The following SORBS2 variants were observed in gnomAD, a reference collection of about 807,000 sequenced individuals.
The protein encoded by SORBS2 is sorbin and SH3 domain-containing protein 2.
Under a neutral mutation model 97.7 loss-of-function variants are expected in SORBS2, and 46 were observed. The ratio of observed to expected loss-of-function variants is 0.47; its 90% CI spans 0.37 to 0.60. SORBS2 has a LOEUF of 0.60. Ranked by LOEUF, SORBS2 falls within the 20% of genes least tolerant of loss-of-function variation. The probability of loss-of-function intolerance (pLI) is 0.00; values close to 1 mark genes in which losing one functional copy is unlikely to be tolerated. For synonymous variants in SORBS2, 476 were observed against 473.4 expected, an observed-to-expected ratio of 1.01 and a Z score of -0.07; for missense variants, 1,316 against 1,282.3, an observed-to-expected ratio of 1.03 and a Z score of -0.40.
chr4:185,758,689 T>G (rs2098845636), intron 2 of SORBS2, among the ~76,000 whole-genome samples: 2 of 152,196 alleles, frequency 1.3e-5, no homozygotes, highest in Non-Finnish European at 1.5e-5. Context: ...CTCCCTTCAG[T>G]GCAAAAGCCT....
At chr4:185,734,314 C>G (rs376484987) in intron 2 of SORBS2, among the ~76,000 whole-genome samples, 160 bp from the exon 3 acceptor site, 1 of 152,108 alleles carries the variant, frequency 6.6e-6, no homozygotes, top group South Asian at 2.1e-4. Context: ...ACAAACACCG[C>G]GGAAAGGAAA....
At chr4:185,679,683 T>C (rs940674957) in intron 2 of SORBS2, among the ~76,000 whole-genome samples, 12 of 152,122 alleles carry the variant, frequency 7.9e-5, no homozygotes, top group African/African-American at 2.9e-4. Context: ...ATCCTAGGGG[T>C]TGGATCATTA....
At chr4:185,951,094 T>C (rs1364018225) in intron 1 of SORBS2, among the ~76,000 whole-genome samples, 2 of 152,184 alleles carry the variant, frequency 1.3e-5, no homozygotes, top group African/African-American at 2.4e-5. Flanking sequence ...ACAAATGTTC[T>C]TGGTACCCTT....
chr4:185,761,159 C>T (rs1020337139), intron 2 of SORBS2, among the ~76,000 whole-genome samples: 1 of 152,208 alleles, frequency 6.6e-6, no homozygotes, highest in Non-Finnish European at 1.5e-5. Context: ...AACACCTGAA[C>T]ATATGTTAAA....
intron 1 of SORBS2, among the ~76,000 whole-genome samples, chr4:185,779,111 T>C (rs1329548399): frequency 6.6e-6 from 1 of 152,262 alleles, no homozygotes; most frequent in African/African-American, 2.4e-5. Context: ...CAATTCTATA[T>C]GCAAAGACCA....
chr4:185,900,460 A>G (rs2149828359), intron 1 of SORBS2, among the ~76,000 whole-genome samples: 1 of 152,310 alleles, frequency 6.6e-6, no homozygotes. Context: ...ATACCTAAAA[A>G]CATTCCATGC....
At chr4:185,612,655 A>T (rs914726143) in intron 11 of SORBS2, among the ~76,000 whole-genome samples, 4 of 151,924 alleles carry the variant, frequency 2.6e-5, no homozygotes, top group African/African-American at 9.7e-5. Flanking sequence ...GGCCCGGCTA[A>T]TTTTTTGTAT....
intron 4 of SORBS2, among the ~76,000 whole-genome samples, chr4:185,631,171 A>G (rs536170278): frequency 9.2e-5 from 14 of 152,342 alleles, no homozygotes; most frequent in African/African-American, 3.4e-4. Flanking sequence ...TGAAGAAACT[A>G]AATAAAGTAC....
intron 1 of SORBS2, among the ~76,000 whole-genome samples, chr4:185,938,697 C>CTA (rs1432522384): frequency 2.8e-4 from 43 of 151,948 alleles, no homozygotes; most frequent in Non-Finnish European, 7.4e-5. Context: ...TGCACCAACC[C>CTA]TATGAGTTTC....
In SORBS2 at chr4:185,623,850, T is replaced by C. The variant is rs370950556; in HGVS notation, c.1279A>G (p.Met427Val). The C allele has an allele frequency of 1.2e-6, 2 of 1,614,182 alleles. No individual in the cohort carries two copies. Among genetic ancestry groups the C allele is most frequent in the Non-Finnish European group, 1.7e-6 (2 of 1,180,040 alleles). ...AGCATGTCATCCCCTAAATTTGGCA[T>C]GGATTTGGACTTCTGGATCAGCTTT... Residue 427 changes from methionine to valine, a missense_variant, in exon 7 of 15, where the codon ATG becomes GTG. Transcript: ENST00000418609. The surrounding 1 kb of genome is among the most constrained non-coding windows in gnomAD (Gnocchi z 6.4).
intron 1 of SORBS2, among the ~76,000 whole-genome samples, chr4:185,779,583 G>A (rs1470451391): frequency 6.6e-6 from 1 of 152,196 alleles, no homozygotes; most frequent in Non-Finnish European, 1.5e-5. Flanking sequence ...AGACAGCACA[G>A]AATTCTCAAT....
intron 2 of SORBS2, among the ~76,000 whole-genome samples, chr4:185,768,723 A>C (rs2098952216): frequency 6.6e-6 from 1 of 151,618 alleles, no homozygotes; most frequent in African/African-American, 2.4e-5. Flanking sequence ...AAAAAAACAA[A>C]AAAAAATGCA....
At chr4:185,739,752 C>T (rs892606992) in intron 2 of SORBS2, among the ~76,000 whole-genome samples, 1 of 152,150 alleles carries the variant, frequency 6.6e-6, no homozygotes, top group African/African-American at 2.4e-5. Context: ...GAGCACATGG[C>T]ACTGATTCTG....
intron 1 of SORBS2, among the ~76,000 whole-genome samples, chr4:185,785,194 C>T (rs993257274): frequency 3.5e-5 from 5 of 143,736 alleles, no homozygotes; most frequent in Admixed American, 2.8e-4. Flanking sequence ...TTATTCAAGG[C>T]CATAAGGTAT....
intron 12 of SORBS2, among the ~76,000 whole-genome samples, chr4:185,605,107 G>T (rs1425810391): frequency 4.6e-5 from 7 of 152,186 alleles, no homozygotes; most frequent in Admixed American, 4.6e-4. Context: ...ATTAAATAAG[G>T]TGTTTGTTTT....
At chr4:185,615,501 A>T (rs570099805) in intron 9 of SORBS2, among the ~76,000 whole-genome samples, 2 of 151,594 alleles carry the variant, frequency 1.3e-5, no homozygotes, top group African/African-American at 4.9e-5. Flanking sequence ...ATGATGGAAT[A>T]GTTCTGCACT....
intron 1 of SORBS2, chr4:185,656,464 C>A: frequency 3.2e-6 from 1 of 307,768 alleles, no homozygotes; most frequent in Non-Finnish European, 5.9e-6. Flanking sequence ...TTCCTGCTCT[C>A]TTTCCCATTC....
chr4:185,741,715 A>G (rs952818884), intron 2 of SORBS2, among the ~76,000 whole-genome samples: 4 of 151,936 alleles, frequency 2.6e-5, no homozygotes, highest in Non-Finnish European at 4.4e-5. Flanking sequence ...GCTTGAACAC[A>G]GCAACAGGGT....
chr4:185,813,018 T>C (rs1186092326), intron 1 of SORBS2: 1 of 152,192 alleles, frequency 6.6e-6, no homozygotes, highest in Non-Finnish European at 1.5e-5. Context: ...ACATTTCACC[T>C]CCTCTGGGAA....
Sources: allele counts gnomAD v4.1 joint callset (sites outside exome capture counted in the v4.1 genomes callset), GRCh38; gene constraint gnomAD v4.1.1; non-coding constraint Gnocchi (gnomAD v3.1); transcripts MANE v1.5; gene names NCBI Gene and HGNC (gene_info 2026-07-23, HGNC 2026-07-21).